The following CHRM5 variants were observed in gnomAD, a reference collection of about 807,000 sequenced individuals.
The protein encoded by CHRM5 is cholinergic receptor muscarinic 5.
In CHRM5, 18 loss-of-function variants were observed where a neutral mutation model predicts 39.0. That is an observed-to-expected ratio of 0.46 (90% confidence interval 0.32 to 0.68). The LOEUF (loss-of-function observed/expected upper bound fraction) is 0.68. CHRM5 is among the 30% of genes least tolerant of loss of function. CHRM5 has a pLI of 0.04. For missense variants in CHRM5, 515 were observed against 651.1 expected, an observed-to-expected ratio of 0.79 and a Z score of 2.28; for synonymous variants, 241 against 246.3, an observed-to-expected ratio of 0.98 and a Z score of 0.20.
intron 1 of CHRM5, among the ~76,000 whole-genome samples, chr15:33,972,952 C>G (rs933331945): frequency 3.3e-5 from 5 of 152,214 alleles, no homozygotes; most frequent in Non-Finnish European, 7.3e-5. Flanking sequence ...TACAGTTACA[C>G]AGATTGCTTG....
rs1052095244 is a variant in CHRM5, at chr15:34,049,593, G to A, written c.-76+2722G>A. On this transcript the variant is annotated intron_variant, in intron 2 of 2. Transcript: ENST00000383263. ...TGAAAGAGACAGGGAGAATGGAACC[G>A]AGTTGGAAAACATACTTCAGGATAT... Among the ~76,000 whole-genome samples, 12 of 152,044 alleles carry A rather than the reference G, an allele frequency of 7.9e-5. No homozygotes were observed. The South Asian group carries it at 8.3e-4, about 11-fold the overall frequency.
chr15:34,003,212 G>C, intron 1 of CHRM5: 1 of 1,612,348 alleles, frequency 6.2e-7, no homozygotes, highest in South Asian at 1.1e-5. Flanking sequence ...TCTTCAACCT[G>C]CAATCATTAG....
At chr15:34,039,205 G>A (rs1899345797) in intron 1 of CHRM5, 2 of 565,600 alleles carry the variant, frequency 3.5e-6, no homozygotes, top group Non-Finnish European at 4.6e-6. Flanking sequence ...CGGCCGCAGC[G>A]GAGCGGGGCG....
rs1900461995 is a variant in CHRM5, at chr15:34,064,579, G to C, written c.*263G>C. The C allele has an allele frequency of 8.3e-6, 4 of 479,610 alleles. No homozygotes were observed. In the East Asian group the frequency reaches 1.5e-4, roughly 18 times the overall value. The allele number at this position is 479,610 out of a possible 1,614,324, so 29.7% of individuals were successfully genotyped here. On this transcript the variant is annotated 3_prime_UTR_variant, in exon 3 of 3. Coordinates refer to ENST00000383263, the MANE Select transcript of CHRM5 (RefSeq NM_012125.4). Reference sequence around the variant, plus strand: ...CAATGAAGTAAAGGGATAGGCTCATGGCCCTTCACAAGAGGAAGCACACTG... The same window carrying C: ...CAATGAAGTAAAGGGATAGGCTCATCGCCCTTCACAAGAGGAAGCACACTG...
chr15:33,976,702 G>GAAACAAAAAA (rs1188476005), intron 1 of CHRM5, among the ~76,000 whole-genome samples: 1 of 151,034 alleles, frequency 6.6e-6, no homozygotes, highest in Non-Finnish European at 1.5e-5. Flanking sequence ...CAGCAAGACA[G>GAAACAAAAAA]AAACAAAAAA....
intron 1 of CHRM5, chr15:34,039,202 A>C: frequency 1.7e-6 from 1 of 599,208 alleles, no homozygotes; most frequent in Non-Finnish European, 2.1e-6. Flanking sequence ...GGCCGGCCGC[A>C]GCGGAGCGGG....
intron 2 of CHRM5, among the ~76,000 whole-genome samples, chr15:34,052,675 A>T (rs1366471525): frequency 6.6e-6 from 1 of 152,204 alleles, no homozygotes; most frequent in African/African-American, 2.4e-5. Flanking sequence ...ATGTGCAAAA[A>T]TTGCTAGCAT....
intron 1 of CHRM5, among the ~76,000 whole-genome samples, chr15:33,974,665 TGC>T (rs1348142532): frequency 6.6e-6 from 1 of 152,194 alleles, no homozygotes; most frequent in African/African-American, 2.4e-5. Context: ...GATGTTGGCG[TGC>T]ACAACTTAAG....
chr15:34,063,956 T>G lies in CHRM5; in HGVS notation c.1239T>G (p.Pro413=), dbSNP rs1900438868. Residue 413 remains proline (P), a synonymous_variant, in exon 3 of 3, where the codon CCT becomes CCG. Transcript: ENST00000383263. This position sits in a 1 kb window ranked among gnomAD's most constrained non-coding sequence, Gnocchi z 4.1. ...MPCPFPVAKE[P]STKGLNPNPS... ...GCCCCTTCCCAGTGGCCAAGGAACC[T>G]TCAACGAAAGGCCTCAATCCCAACC... 4 of 1,613,954 alleles carry G rather than the reference T, an allele frequency of 2.5e-6. 1 individual carries two copies. In the South Asian group the frequency reaches 4.4e-5, roughly 18 times the overall value.
intron 1 of CHRM5, among the ~76,000 whole-genome samples, chr15:33,996,794 C>T (rs1896954622): frequency 1.3e-5 from 2 of 152,186 alleles, no homozygotes; most frequent in South Asian, 4.1e-4. Flanking sequence ...CAGAGCGCCT[C>T]TTGTCCTCCA....
chr15:33,970,448 T>C (rs1310687799), intron 1 of CHRM5, among the ~76,000 whole-genome samples: 1 of 151,964 alleles, frequency 6.6e-6, no homozygotes, highest in Non-Finnish European at 1.5e-5. Context: ...AAATGTTTAT[T>C]TAGAAATCTC....
chr15:33,999,770 T>C (rs1253634293), intron 1 of CHRM5, among the ~76,000 whole-genome samples: 1 of 152,172 alleles, frequency 6.6e-6, no homozygotes, highest in African/African-American at 2.4e-5. Context: ...GTAGTAGCAG[T>C]GGCTTCCTAA....
Position 34,039,236 on chromosome 15 carries a change from C to A in CHRM5, c.-407-7304C>A, listed in dbSNP as rs1047240076. The A allele has an allele frequency of 7.1e-4, 227 of 321,042 alleles. 1 individual carries two copies. The highest frequency in any genetic ancestry group is 8.9e-4 in the Non-Finnish European group (194 of 218,088). The allele number at this position is 321,042 out of a possible 1,614,324, so 19.9% of individuals were successfully genotyped here. A position where few individuals can be genotyped will look rare whatever the true frequency, so the allele number is the denominator to read the frequency against. The stretch of plus-strand genomic sequence containing the variant: ...GGGCGGGGCGGGGCGGCCGGCGTCC[C>A]GCAGGTGGGGCCGGAACCGGGACCG... On this transcript the variant is annotated intron_variant, in intron 1 of 2. Coordinates refer to ENST00000383263, the MANE Select transcript of CHRM5 (RefSeq NM_012125.4).
chr15:34,056,955 C>A (rs1900176031), intron 2 of CHRM5, among the ~76,000 whole-genome samples: 1 of 152,114 alleles, frequency 6.6e-6, no homozygotes, highest in Non-Finnish European at 1.5e-5. Context: ...GGGGGGATCC[C>A]TTGAGCCCAA....
chr15:33,977,468 C>T (rs1895934835), intron 1 of CHRM5, among the ~76,000 whole-genome samples: 1 of 152,132 alleles, frequency 6.6e-6, no homozygotes, highest in Non-Finnish European at 1.5e-5. Flanking sequence ...CAAACCTTGA[C>T]ATTCTCTTTT....
intron 1 of CHRM5, among the ~76,000 whole-genome samples, chr15:34,011,848 T>C (rs1392374311): frequency 6.6e-6 from 1 of 152,228 alleles, no homozygotes; most frequent in African/African-American, 2.4e-5. Context: ...ATGGGATTTC[T>C]CAAAGTCAAG....
chr15:34,007,106 A>C (rs986130414), intron 1 of CHRM5: 1 of 964,712 alleles, frequency 1.0e-6, no homozygotes, highest in Non-Finnish European at 1.2e-6. Flanking sequence ...TTAGATTAAT[A>C]AGCTGAAGAC....
At chr15:34,016,538 A>G (rs1426033588) in intron 1 of CHRM5, among the ~76,000 whole-genome samples, 1 of 152,124 alleles carries the variant, frequency 6.6e-6, no homozygotes, top group African/African-American at 2.4e-5. Flanking sequence ...TATCTCAGCA[A>G]TATTTATCTC....
intron 1 of CHRM5, among the ~76,000 whole-genome samples, chr15:33,985,341 G>T (rs1896376499): frequency 1.2e-5 from 1 of 80,442 alleles, no homozygotes; most frequent in Non-Finnish European, 2.6e-5. Flanking sequence ...ACATGCTGTG[G>T]GCTTTATTAC....
Sources: allele counts gnomAD v4.1 joint callset (sites outside exome capture counted in the v4.1 genomes callset), GRCh38; gene constraint gnomAD v4.1.1; non-coding constraint Gnocchi (gnomAD v3.1); transcripts MANE v1.5; gene names NCBI Gene and HGNC (gene_info 2026-07-23, HGNC 2026-07-21).